Variants in PLXNA4 observed in about 807,000 individuals in gnomAD.
PLXNA4 encodes plexin-A4.
PLXNA4 carries 44 observed loss-of-function variants against 191.8 expected under a neutral mutation model. The observed-to-expected ratio is 0.23, with a 90% CI of 0.18 to 0.29. The LOEUF is 0.29. Ranked by LOEUF, PLXNA4 falls within the 10% of genes least tolerant of loss-of-function variation. The probability of loss-of-function intolerance (pLI) is 1.00; values close to 1 mark genes in which losing one functional copy is unlikely to be tolerated. For missense variants in PLXNA4, 1,800 were observed against 2,488.8 expected (o/e 0.72, Z 5.89); for synonymous variants, 1,082 against 1,009.5 (o/e 1.07, Z -1.36).
intron 4 of PLXNA4, among the ~76,000 whole-genome samples, chr7:132,250,856 T>A (rs1279125459): frequency 6.6e-6 from 1 of 152,176 alleles, no homozygotes. Flanking sequence ...CCTCATTTGA[T>A]ACCCAGTCCC....
At chr7:132,395,278 C>A (rs561288261) in intron 3 of PLXNA4, among the ~76,000 whole-genome samples, 1 of 152,082 alleles carries the variant, frequency 6.6e-6, no homozygotes, top group African/African-American at 2.4e-5. Flanking sequence ...TTTATGGGGG[C>A]TAGTTGGCAT....
At chr7:132,346,503 G>T (rs1803251754) in intron 3 of PLXNA4, among the ~76,000 whole-genome samples, 1 of 152,120 alleles carries the variant, frequency 6.6e-6, no homozygotes, top group Non-Finnish European at 1.5e-5. Context: ...CAGAATTTTT[G>T]TGCTAGCCCT....
At chr7:132,131,017 G>C (rs574931281) in intron 31 of PLXNA4, among the ~76,000 whole-genome samples, 1 of 152,074 alleles carries the variant, frequency 6.6e-6, no homozygotes, top group African/African-American at 2.4e-5. Context: ...CCTTCCTCCC[G>C]CAGAAATAAA....
chr7:132,452,064 G>C (rs1327849980), intron 3 of PLXNA4, among the ~76,000 whole-genome samples: 1 of 152,244 alleles, frequency 6.6e-6, no homozygotes, highest in Non-Finnish European at 1.5e-5. Flanking sequence ...GGACACACAA[G>C]AGTTTCTTGC....
chr7:132,545,660 A>G (rs572501098), intron 1 of PLXNA4, among the ~76,000 whole-genome samples: 33 of 152,358 alleles, frequency 2.2e-4, no homozygotes, highest in African/African-American at 7.7e-4. Context: ...GAAGAAAGCA[A>G]AACAGTGAGT....
chr7:132,286,352 T>C (rs1458208411), intron 4 of PLXNA4, among the ~76,000 whole-genome samples: 7 of 152,198 alleles, frequency 4.6e-5, no homozygotes, highest in African/African-American at 1.2e-4. Context: ...CCTCATGTGC[T>C]GCTAAGTGGA....
In PLXNA4 at chr7:132,403,982, G is replaced by A. The variant is rs552609972; in HGVS notation, c.1371+85310C>T. Among the ~76,000 whole-genome samples the A allele has an allele frequency of 2.2e-3, 335 of 152,282 alleles. 2 individuals carry two copies. The highest frequency in any genetic ancestry group is 4.2e-3 in the Non-Finnish European group (284 of 68,016). Reference sequence around the variant, plus strand: ...AAGTGCAACAGGGAAGGTCAGAGCCGGATAACGGGTCTGTAGTTGGCCCTG... The same window carrying A: ...AAGTGCAACAGGGAAGGTCAGAGCCAGATAACGGGTCTGTAGTTGGCCCTG... On this transcript the variant is annotated intron_variant, in intron 3 of 31. Transcript: ENST00000321063.
intron 14 of PLXNA4, among the ~76,000 whole-genome samples, chr7:132,190,321 T>A (rs1797046533): frequency 6.6e-6 from 1 of 152,198 alleles, no homozygotes; most frequent in Non-Finnish European, 1.5e-5. Context: ...ACTGGACCCT[T>A]CCTGAGGGCA....
chr7:132,201,179 G>C (rs1257522958), intron 12 of PLXNA4, among the ~76,000 whole-genome samples: 1 of 152,160 alleles, frequency 6.6e-6, no homozygotes, highest in African/African-American at 2.4e-5. Flanking sequence ...GTCAAGGAGA[G>C]GGATGGGGAA....
intron 2 of PLXNA4, among the ~76,000 whole-genome samples, chr7:132,589,538 A>T (rs1802567714): frequency 6.6e-6 from 1 of 152,142 alleles, no homozygotes; most frequent in African/African-American, 2.4e-5. Flanking sequence ...AAACACTCAA[A>T]TATACCCTTG....
intron 3 of PLXNA4, among the ~76,000 whole-genome samples, chr7:132,453,187 G>A (rs1796190059): frequency 6.6e-6 from 1 of 152,184 alleles, no homozygotes; most frequent in Admixed American, 6.5e-5. Context: ...GGGAGAGGAT[G>A]GAAGCAGGTC....
chr7:132,507,418 G>T, intron 2 of PLXNA4, 88 bp downstream of exon 2: 1 of 1,400,432 alleles, frequency 7.1e-7, no homozygotes. Context: ...AAAAGGGGAA[G>T]GATGATACAC....
intron 2 of PLXNA4, among the ~76,000 whole-genome samples, chr7:132,612,144 C>T (rs1563194437): frequency 1.3e-5 from 2 of 152,208 alleles, no homozygotes; most frequent in Non-Finnish European, 2.9e-5. Flanking sequence ...TAGCAAACTT[C>T]CCAAAGGATA....
chr7:132,206,439 T>G (rs1797620180), intron 10 of PLXNA4, among the ~76,000 whole-genome samples: 1 of 46,052 alleles, frequency 2.2e-5, no homozygotes, highest in African/African-American at 7.2e-5. Context: ...TGTTTTCTGG[T>G]GTGTGTGTGT....
rs117340065 is a variant in PLXNA4 at position 132,488,392 on chromosome 7, A to G, written c.1371+900T>C. Among the ~76,000 whole-genome samples the G allele has an allele frequency of 3.3e-5, 5 of 152,346 alleles. No individual in the cohort carries two copies. The East Asian group carries it at 5.8e-4, about 18-fold the overall frequency. On this transcript the variant is annotated intron_variant, in intron 3 of 31. Coordinates refer to ENST00000321063, the MANE Select transcript of PLXNA4 (RefSeq NM_020911.2). ...ATGGAGGGATTAAGGCTTAGTCTCA[A>G]TCTTTACTCAATCTGAATCACACAA...
chr7:132,165,474 C>T (rs545009762), intron 22 of PLXNA4, among the ~76,000 whole-genome samples: 13 of 152,278 alleles, frequency 8.5e-5, no homozygotes, highest in African/African-American at 3.1e-4. Flanking sequence ...CTTAGAGCAC[C>T]GCTGTCCAAT....
intron 3 of PLXNA4, among the ~76,000 whole-genome samples, chr7:132,337,076 C>T (rs1255873163): frequency 6.6e-6 from 1 of 152,304 alleles, no homozygotes; most frequent in Non-Finnish European, 1.5e-5. Flanking sequence ...AATTTCACCG[C>T]GGTGTAATGT....
intron 3 of PLXNA4, among the ~76,000 whole-genome samples, chr7:132,422,127 T>C (rs1430231111): frequency 6.6e-6 from 1 of 152,190 alleles, no homozygotes; most frequent in Non-Finnish European, 1.5e-5. Context: ...TCTGAGTCTA[T>C]GCCTTATGCA....
chr7:132,385,095 C>T, intron 3 of PLXNA4: 1 of 1,555,866 alleles, frequency 6.4e-7, no homozygotes, highest in Non-Finnish European at 8.7e-7. Flanking sequence ...TGGCTGGGGT[C>T]ACAGGGAGGT....
Sources: gnomAD v4.1 joint callset for allele counts (sites outside exome capture counted in the v4.1 genomes callset) on GRCh38, gnomAD v4.1.1 for gene constraint, MANE v1.5 for transcripts, NCBI Gene and HGNC (gene_info 2026-07-23, HGNC 2026-07-21) for gene names.